The following SRRM4 variants were observed in gnomAD, a reference collection of about 807,000 sequenced individuals.
SRRM4 encodes serine/arginine repetitive matrix 4.
Under a neutral mutation model 68.9 loss-of-function variants are expected in SRRM4, and 33 were observed. That is an observed-to-expected ratio of 0.48 (90% CI 0.36 to 0.64). SRRM4 has a LOEUF of 0.64. SRRM4 is among the 30% of genes least tolerant of loss of function. The pLI is 0.00. For missense variants in SRRM4, 817 were observed against 827.1 expected (o/e 0.99, Z 0.15); for synonymous variants, 318 against 318.8 (o/e 1.00, Z 0.03).
intron 8 of SRRM4, chr12:119,144,653 T>C (rs190403336): frequency 6.6e-6 from 1 of 152,210 alleles, no homozygotes; most frequent in Non-Finnish European, 1.5e-5. Context: ...CACACAAATA[T>C]CTATAGTGAC....
At chr12:119,114,660 CTTTTTTTTTT>C (rs68020424) in intron 3 of SRRM4, among the ~76,000 whole-genome samples, 1 of 101,388 alleles carries the variant, frequency 9.9e-6, no homozygotes, top group Non-Finnish European at 2.0e-5. Flanking sequence ...GAAGCATAGT[CTTTTTTTTTT>C]TTTTTTTTTT....
In SRRM4 at chr12:119,158,338, CA is replaced by C. The variant is rs1954487190; in HGVS notation, c.*1543del. Reference sequence around the variant, plus strand: ...TTTTGGGTTATGGGGAAGCAAGGGCCAAACATTCTTTATCCCTCCCACCCCA... The same window carrying C: ...TTTTGGGTTATGGGGAAGCAAGGGCCAACATTCTTTATCCCTCCCACCCCA... On this transcript the variant is annotated 3_prime_UTR_variant, in exon 13 of 13. Coordinates refer to ENST00000267260, the MANE Select transcript of SRRM4 (RefSeq NM_194286.4). 1 of 152,676 alleles carries C rather than the reference CA, an allele frequency of 6.5e-6. No individual in the cohort carries two copies. The highest frequency in any genetic ancestry group is 2.1e-4 in the South Asian group (1 of 4,828). 9.5% of individuals were successfully genotyped at this position (152,676 alleles called of 1,614,324 possible).
At chr12:118,987,896 T>C (rs1292980665) in intron 1 of SRRM4, among the ~76,000 whole-genome samples, 1 of 152,266 alleles carries the variant, frequency 6.6e-6, no homozygotes, top group Non-Finnish European at 1.5e-5. Context: ...TTTTAATTTT[T>C]AAAATTTGTT....
intron 1 of SRRM4, among the ~76,000 whole-genome samples, chr12:118,986,900 A>C (rs1293768608): frequency 1.3e-5 from 2 of 149,418 alleles, no homozygotes; most frequent in African/African-American, 4.9e-5. Context: ...CAATACATTA[A>C]AAAAAAAATC....
chr12:119,138,042 A>G (rs971361922), intron 8 of SRRM4, among the ~76,000 whole-genome samples: 7 of 152,146 alleles, frequency 4.6e-5, no homozygotes, highest in African/African-American at 1.7e-4. Context: ...CTTGGTGGCC[A>G]GCTAATAGAT....
At chr12:119,068,569 C>T (rs1592885211) in intron 1 of SRRM4, among the ~76,000 whole-genome samples, 2 of 152,182 alleles carry the variant, frequency 1.3e-5, no homozygotes, top group East Asian at 3.9e-4. Flanking sequence ...TGTGAAATCA[C>T]CTTGAAGAGC....
intron 1 of SRRM4, among the ~76,000 whole-genome samples, chr12:119,052,335 G>A (rs1339188742): frequency 1.3e-5 from 2 of 152,262 alleles, no homozygotes; most frequent in East Asian, 3.9e-4. Flanking sequence ...TTTCATGTAT[G>A]TCTCTCTGGT....
intron 8 of SRRM4, among the ~76,000 whole-genome samples, chr12:119,143,310 T>G (rs1243558975): frequency 6.6e-6 from 1 of 152,198 alleles, no homozygotes; most frequent in African/African-American, 2.4e-5. Context: ...AGGGCCAAGA[T>G]GCACAAGATA....
At chr12:119,053,679 C>A (rs181386972) in intron 1 of SRRM4, among the ~76,000 whole-genome samples, 5 of 152,110 alleles carry the variant, frequency 3.3e-5, no homozygotes, top group African/African-American at 7.2e-5. Context: ...AATTTGCACA[C>A]GTGGCATCTC....
chr12:119,017,409 C>T (rs1348243186), intron 1 of SRRM4, among the ~76,000 whole-genome samples: 1 of 152,198 alleles, frequency 6.6e-6, no homozygotes, highest in Non-Finnish European at 1.5e-5. Flanking sequence ...GGATATTTAC[C>T]TCTGGAGCTT....
intron 1 of SRRM4, among the ~76,000 whole-genome samples, chr12:119,036,021 C>G (rs1371748161): frequency 3.4e-5 from 5 of 146,964 alleles, no homozygotes; most frequent in Non-Finnish European, 7.7e-5. Flanking sequence ...TGTCATTTTC[C>G]TTTTCCTTTT....
chr12:119,090,870 A>G (rs956647718), intron 1 of SRRM4, among the ~76,000 whole-genome samples: 1 of 152,214 alleles, frequency 6.6e-6, no homozygotes, highest in Non-Finnish European at 1.5e-5. Flanking sequence ...GTAACCCAGG[A>G]GGAGAGACAA....
At chr12:119,135,473 G>T (rs767182532) in intron 8 of SRRM4, among the ~76,000 whole-genome samples, 7 of 152,210 alleles carry the variant, frequency 4.6e-5, no homozygotes, top group Non-Finnish European at 1.0e-4. Flanking sequence ...AGGATCTCAT[G>T]AAATTTGTAA....
chr12:118,984,525 A>G (rs1953270484), intron 1 of SRRM4, among the ~76,000 whole-genome samples: 1 of 152,208 alleles, frequency 6.6e-6, no homozygotes, highest in African/African-American at 2.4e-5. Flanking sequence ...TTGGTGTCAC[A>G]CTTAATATTT....
At chr12:119,142,593 C>A (rs1315359387) in intron 8 of SRRM4, among the ~76,000 whole-genome samples, 1 of 152,208 alleles carries the variant, frequency 6.6e-6, no homozygotes, top group African/African-American at 2.4e-5. Context: ...AAGGCCCAGC[C>A]TGGCAGCCTC....
rs1954492029 is a variant in SRRM4, at chr12:119,159,008, TG to T, written c.*2211del. ...GTGTGTGTGTGTGTGTGTGTGTGTG[TG>T]TGTGTGTGTTGGGGGGATCTCCTAA... On this transcript the variant is annotated 3_prime_UTR_variant, in exon 13 of 13. Transcript: ENST00000267260. 1 of 126,900 alleles carries T rather than the reference TG, an allele frequency of 7.9e-6. No homozygotes were observed. The highest frequency in any genetic ancestry group is 3.0e-5 in the African/African-American group (1 of 32,916). 7.9% of individuals were successfully genotyped at this position (126,900 alleles called of 1,614,324 possible).
At chr12:118,992,274 C>T (rs961281696) in intron 1 of SRRM4, 2 of 152,170 alleles carry the variant, frequency 1.3e-5, no homozygotes, top group Non-Finnish European at 2.9e-5. Flanking sequence ...TCTGCTGCAA[C>T]CAGGTGAGCA....
chr12:119,042,891 A>T (rs1285585566), intron 1 of SRRM4, among the ~76,000 whole-genome samples: 1 of 152,172 alleles, frequency 6.6e-6, no homozygotes, highest in Non-Finnish European at 1.5e-5. Context: ...TAAATACAGC[A>T]AAGAGGCTGG....
At chr12:119,118,558 C>T (rs1308090011) in intron 4 of SRRM4, among the ~76,000 whole-genome samples, 1 of 152,216 alleles carries the variant, frequency 6.6e-6, no homozygotes, top group Non-Finnish European at 1.5e-5. Flanking sequence ...GTGTTTACTA[C>T]AAGGCATGGG....
Sources: gnomAD v4.1 joint callset for allele counts (sites outside exome capture counted in the v4.1 genomes callset) on GRCh38, gnomAD v4.1.1 for gene constraint, MANE v1.5 for transcripts, NCBI Gene and HGNC (gene_info 2026-07-23, HGNC 2026-07-21) for gene names.